The following TRIM55 variants were observed in gnomAD, a reference collection of about 807,000 sequenced individuals.
The protein encoded by TRIM55 is tripartite motif containing 55.
TRIM55 carries 50 observed loss-of-function variants against 60.9 expected under a neutral mutation model. That is an observed-to-expected ratio of 0.82 (90% CI 0.65 to 1.04). The LOEUF is 1.04. TRIM55 is among the 50% of genes least tolerant of loss of function. The pLI is 0.00. For synonymous variants in TRIM55, 237 were observed against 238.1 expected (o/e 1.00, Z 0.04); for missense variants, 681 against 666.9 (o/e 1.02, Z -0.23).
chr8:66,169,896 T>G (rs10107870), intron 9 of TRIM55, among the ~76,000 whole-genome samples: 2 of 152,052 alleles, frequency 1.3e-5, no homozygotes, highest in African/African-American at 4.8e-5. Context: ...TGAATTTTTT[T>G]AAAATTTTTT....
At chr8:66,160,020 T>A (rs950884709) in intron 9 of TRIM55, among the ~76,000 whole-genome samples, 13 of 152,178 alleles carry the variant, frequency 8.5e-5, no homozygotes, top group Non-Finnish European at 1.5e-4. Context: ...TTTATTTCAG[T>A]AGGTTTTTGG....
rs531109278 is a variant in TRIM55, at chr8:66,174,605, A to G, written c.*12A>G. 1.3e-6 allele frequency: 2 copies of G among 1,584,514 alleles called. No homozygotes were observed. Among genetic ancestry groups the G allele is most frequent in the African/African-American group, 1.4e-5 (1 of 73,572 alleles). Reference sequence around the variant, plus strand: ...CCCTAAATGAATGATATTCATTCCAACTGCTGCCCCTCTGTCTGCCTGGCT... The same window carrying G: ...CCCTAAATGAATGATATTCATTCCAGCTGCTGCCCCTCTGTCTGCCTGGCT... On this transcript the variant is annotated 3_prime_UTR_variant, in exon 10 of 10. Transcript: ENST00000315962.
chr8:66,126,204 T>C (rs1358731484), upstream of TRIM55, among the ~76,000 whole-genome samples: 1 of 152,234 alleles, frequency 6.6e-6, no homozygotes, highest in Non-Finnish European at 1.5e-5. Flanking sequence ...CAGTTGTCAA[T>C]GGCACTGGTA....
Position 66,152,378 on chromosome 8 carries a change from A to G in TRIM55, c.987A>G (p.Glu329=), listed in dbSNP as rs4434604. The part of the protein sequence containing the change: ...KIIREIDFYR[E]DEDEEEEEGG... The stretch of plus-strand genomic sequence containing the variant: ...TTACAAGATACCTTACCTTACCAGA[A>G]GATGAAGATGAAGAAGAAGAAGAAG... Residue 329 remains glutamate, a splice_region_variant and synonymous_variant, in exon 8 of 10, where the codon GAA becomes GAG. Coordinates refer to ENST00000315962, the MANE Select transcript of TRIM55 (RefSeq NM_184085.2). The G allele has an allele frequency of 4.2e-3, 6,672 of 1,580,754 alleles. 217 individuals are homozygous for G. In the East Asian group the frequency reaches 0.097, roughly 23 times the overall value.
At chr8:66,167,268 G>T (rs1430985356) in intron 9 of TRIM55, among the ~76,000 whole-genome samples, 1 of 152,088 alleles carries the variant, frequency 6.6e-6, no homozygotes, top group Non-Finnish European at 1.5e-5. Context: ...GACCTCCCAT[G>T]GTTCTTAAGG....
intron 7 of TRIM55, 167 bp from the exon 8 acceptor site, chr8:66,152,210 C>T (rs889363929): frequency 1.3e-5 from 11 of 870,512 alleles, no homozygotes; most frequent in Admixed American, 2.9e-5. Flanking sequence ...CCACATTCCA[C>T]TAGAAGCACA....
the TRIM55 span, among the ~76,000 whole-genome samples, chr8:66,116,456 A>G: frequency 6.6e-6 from 1 of 151,734 alleles, no homozygotes; most frequent in African/African-American, 2.4e-5. Context: ...AAAATACAAA[A>G]AGTAGCTGCG....
At chr8:66,117,554 C>G in the TRIM55 span, among the ~76,000 whole-genome samples, 1 of 152,152 alleles carries the variant, frequency 6.6e-6, no homozygotes, top group Non-Finnish European at 1.5e-5. Context: ...TAGGCAAGGG[C>G]CAGATCATAT....
intron 4 of TRIM55, among the ~76,000 whole-genome samples, chr8:66,143,896 T>C (rs1809963173): frequency 6.6e-6 from 1 of 152,052 alleles, no homozygotes; most frequent in Non-Finnish European, 1.5e-5. Flanking sequence ...TTTTAGAGAG[T>C]GATAATTACC....
chr8:66,147,091 A>G (rs920713601), intron 4 of TRIM55, among the ~76,000 whole-genome samples: 9 of 152,226 alleles, frequency 5.9e-5, no homozygotes, highest in African/African-American at 2.2e-4. Context: ...ATAAATCTCT[A>G]AAATATTTAC....
chr8:66,173,044 G>T (rs1322797628), intron 9 of TRIM55, among the ~76,000 whole-genome samples: 1 of 152,136 alleles, frequency 6.6e-6, no homozygotes, highest in Non-Finnish European at 1.5e-5. Flanking sequence ...TGTAAAAATA[G>T]GTGCAGGATT....
At chr8:66,155,420 A>AT (rs1327373811) in intron 9 of TRIM55, among the ~76,000 whole-genome samples, 1 of 152,204 alleles carries the variant, frequency 6.6e-6, no homozygotes, top group Non-Finnish European at 1.5e-5. Flanking sequence ...CAGTAGACTG[A>AT]TTATTTCTAG....
At chr8:66,161,714 G>A (rs908381927) in intron 9 of TRIM55, among the ~76,000 whole-genome samples, 1 of 149,838 alleles carries the variant, frequency 6.7e-6, no homozygotes, top group African/African-American at 2.5e-5. Context: ...TAGATTTCCT[G>A]GTAGAGGTCA....
Position 66,130,153 on chromosome 8 carries a change from G to A in TRIM55, c.341+1677G>A, listed in dbSNP as rs573584118. ...AAGAGATGTTAAAACTTGCAGTATT[G>A]GTAAAACTACAAAACACATCTTCAC... On this transcript the variant is annotated intron_variant, in intron 2 of 9. Coordinates refer to ENST00000315962, the MANE Select transcript of TRIM55 (RefSeq NM_184085.2). Among the ~76,000 whole-genome samples, 8 of 152,310 alleles carry A rather than the reference G, an allele frequency of 5.3e-5. No individual in the cohort carries two copies. In the South Asian group the frequency reaches 1.7e-3, roughly 32 times the overall value.
chr8:66,170,940 A>C (rs1041304634), intron 9 of TRIM55, among the ~76,000 whole-genome samples: 1 of 152,192 alleles, frequency 6.6e-6, no homozygotes, highest in Non-Finnish European at 1.5e-5. Flanking sequence ...ATGAGCATGC[A>C]CTCTGACAGA....
the TRIM55 span, among the ~76,000 whole-genome samples, chr8:66,121,070 G>A: frequency 3.3e-5 from 5 of 152,168 alleles, no homozygotes; most frequent in Admixed American, 1.3e-4. Context: ...CATTTGGCCC[G>A]GCAGCTACAG....
At chr8:66,126,438 A>G (rs1157132662), upstream of TRIM55, among the ~76,000 whole-genome samples, 1 of 152,242 alleles carries the variant, frequency 6.6e-6, no homozygotes, top group Non-Finnish European at 1.5e-5. Context: ...AATGTGGAAG[A>G]GCAAACAGCA....
At chr8:66,152,149 C>T in intron 7 of TRIM55, 1 of 580,150 alleles carries the variant, frequency 1.7e-6, no homozygotes, top group Admixed American at 3.1e-5. Flanking sequence ...AGACTTTGTA[C>T]TGGGGAGGAG....
intron 2 of TRIM55, among the ~76,000 whole-genome samples, chr8:66,133,051 A>G (rs953261219): frequency 6.6e-6 from 1 of 152,156 alleles, no homozygotes. Flanking sequence ...CCACATTAAT[A>G]ATAAGGTGGA....
Sources: allele counts gnomAD v4.1 joint callset (sites outside exome capture counted in the v4.1 genomes callset), GRCh38; gene constraint gnomAD v4.1.1; transcripts MANE v1.5; gene names NCBI Gene and HGNC (gene_info 2026-07-23, HGNC 2026-07-21).